RFX3: variants seen among roughly 807,000 people sequenced by gnomAD.
RFX3 encodes the protein regulatory factor X3.
In RFX3, 14 loss-of-function variants were observed where a neutral mutation model predicts 98.6. The ratio of observed to expected loss-of-function variants is 0.14; its 90% CI spans 0.09 to 0.22. The LOEUF (loss-of-function observed/expected upper bound fraction) is 0.22. Among genes scored for constraint, RFX3 ranks in the 10% least tolerant of loss-of-function variants. The probability of loss-of-function intolerance (pLI) is 1.00; values close to 1 mark genes in which losing one functional copy is unlikely to be tolerated. For missense variants in RFX3, 639 were observed against 926.9 expected (o/e 0.69, Z 4.03); for synonymous variants, 383 against 328.4 (o/e 1.17, Z -1.80).
chr9:3,493,700 A>ATATAT (rs1554724812), intron 1 of RFX3, among the ~76,000 whole-genome samples: 23 of 71,756 alleles, frequency 3.2e-4, no homozygotes, highest in Non-Finnish European at 3.8e-4. Context: ...AAAAAAAAAA[A>ATATAT]ATATATATAT....
chr9:3,469,917 G>A (rs1413968085), intron 1 of RFX3, among the ~76,000 whole-genome samples: 1 of 151,640 alleles, frequency 6.6e-6, no homozygotes, highest in East Asian at 1.9e-4. Flanking sequence ...CCTTTTCGAA[G>A]TACACCTAAC....
Position 3,224,995 on chromosome 9 carries a change from A to G in RFX3, c.*47T>C, listed in dbSNP as rs199595413. On this transcript the variant is annotated 3_prime_UTR_variant, in exon 17 of 17. Coordinates refer to ENST00000617270, the MANE Select transcript of RFX3 (RefSeq NM_001282116.2). ...TTATTAAATTTTCAACTTAAGCCCAATATCAACAGGGTTAATGTAAGCTGG... is the reference window on the plus strand; with the variant it reads ...TTATTAAATTTTCAACTTAAGCCCAGTATCAACAGGGTTAATGTAAGCTGG... The G allele has an allele frequency of 5.1e-6, 8 of 1,572,680 alleles. No homozygotes were observed. The highest frequency in any genetic ancestry group is 3.7e-4 in the Middle Eastern group (2 of 5,364).
intron 13 of RFX3, among the ~76,000 whole-genome samples, chr9:3,260,788 G>T (rs1294367048): frequency 6.6e-6 from 1 of 150,964 alleles, no homozygotes; most frequent in South Asian, 2.1e-4. Flanking sequence ...GTACTTGTAT[G>T]TGTGTATGTG....
intron 1 of RFX3, among the ~76,000 whole-genome samples, chr9:3,467,314 A>G (rs1471370561): frequency 2.0e-5 from 3 of 147,136 alleles, no homozygotes; most frequent in Non-Finnish European, 4.5e-5. Flanking sequence ...AAATATATAT[A>G]TGTGTGTGTG....
chr9:3,337,658 C>G (rs1473397013), intron 3 of RFX3, among the ~76,000 whole-genome samples: 1 of 152,208 alleles, frequency 6.6e-6, no homozygotes, highest in Non-Finnish European at 1.5e-5. Context: ...GGTGTCTGTA[C>G]TGCACTATCT....
intron 3 of RFX3, among the ~76,000 whole-genome samples, chr9:3,338,114 T>G (rs1833407734): frequency 6.6e-6 from 1 of 152,130 alleles, no homozygotes; most frequent in Non-Finnish European, 1.5e-5. Context: ...AAACAGTACT[T>G]CAGAAAGGAA....
chr9:3,443,752 C>T (rs961722142), intron 1 of RFX3, among the ~76,000 whole-genome samples: 1 of 152,156 alleles, frequency 6.6e-6, no homozygotes, highest in African/African-American at 2.4e-5. Flanking sequence ...AATGGTATTT[C>T]TGCCTCTAAG....
chr9:3,340,301 T>G (rs1470253189), intron 3 of RFX3, among the ~76,000 whole-genome samples: 2 of 152,140 alleles, frequency 1.3e-5, no homozygotes, highest in Non-Finnish European at 2.9e-5. Flanking sequence ...ATAAAAACCC[T>G]AGAAGAAAAC....
intron 1 of RFX3, among the ~76,000 whole-genome samples, chr9:3,462,163 G>A (rs1456723900): frequency 6.6e-6 from 1 of 151,930 alleles, no homozygotes. Flanking sequence ...TATCCCTTAG[G>A]AAGACAAATA....
At chr9:3,376,259 T>G (rs987806354) in intron 2 of RFX3, among the ~76,000 whole-genome samples, 1 of 152,156 alleles carries the variant, frequency 6.6e-6, no homozygotes, top group Non-Finnish European at 1.5e-5. Context: ...GTATAACCAG[T>G]TTGAAAAATA....
At chr9:3,525,092 A>G (rs1819121628) in intron 1 of RFX3, among the ~76,000 whole-genome samples, 1 of 152,004 alleles carries the variant, frequency 6.6e-6, no homozygotes, top group South Asian at 2.1e-4. Context: ...AAAACCATGA[A>G]GCTGATGATG....
At chr9:3,427,782 C>T (rs925632580) in intron 1 of RFX3, among the ~76,000 whole-genome samples, 3 of 152,068 alleles carry the variant, frequency 2.0e-5, no homozygotes, top group Non-Finnish European at 2.9e-5. Context: ...GGTAAGCCCA[C>T]AGTTTGACTT....
Position 3,452,176 on chromosome 9 carries a change from G to A in RFX3, c.-8-56580C>T, listed in dbSNP as rs78151634. On this transcript the variant is annotated intron_variant, in intron 1 of 16. Transcript: ENST00000617270. ...CCTATCTGACACTCTCATCACTGAAGGTGTGTCATCTGCATCCTTCTCCAG... is the reference window on the plus strand; with the variant it reads ...CCTATCTGACACTCTCATCACTGAAAGTGTGTCATCTGCATCCTTCTCCAG... 958 of 157,926 alleles carry A rather than the reference G, an allele frequency of 6.1e-3. 18 individuals carry two copies. The highest frequency in any genetic ancestry group is 0.022 in the African/African-American group (899 of 41,684). 9.8% of individuals were successfully genotyped at this position (157,926 alleles called of 1,614,324 possible). A position where few individuals can be genotyped will look rare whatever the true frequency, so the allele number is the denominator to read the frequency against.
At chr9:3,267,055 C>T (rs1159434471) in intron 11 of RFX3, among the ~76,000 whole-genome samples, 2 of 151,916 alleles carry the variant, frequency 1.3e-5, no homozygotes, top group African/African-American at 4.8e-5. Flanking sequence ...TAATGAGAAG[C>T]ATCTTCAGTT....
chr9:3,465,809 T>C lies in RFX3; in HGVS notation c.-9+59938A>G, dbSNP rs144417530. ...GTGGTAAAGATAGTAAGTATTGCTATGGTGAAAAAAAGAAAAAGCAAAAGT... is the reference window on the plus strand; with the variant it reads ...GTGGTAAAGATAGTAAGTATTGCTACGGTGAAAAAAAGAAAAAGCAAAAGT... On this transcript the variant is annotated intron_variant, in intron 1 of 16. Coordinates refer to ENST00000617270, the MANE Select transcript of RFX3 (RefSeq NM_001282116.2). Among the ~76,000 whole-genome samples the C allele has an allele frequency of 2.3e-4, 35 of 151,962 alleles. No homozygotes were observed. The East Asian group carries it at 6.6e-3, about 28-fold the overall frequency.
intron 1 of RFX3, among the ~76,000 whole-genome samples, chr9:3,487,837 A>G (rs1045399991): frequency 2.6e-5 from 4 of 152,206 alleles, no homozygotes; most frequent in Admixed American, 2.6e-4. Context: ...ATTCTAGAGT[A>G]AGAGTCAAAA....
intron 4 of RFX3, among the ~76,000 whole-genome samples, chr9:3,327,153 T>C (rs1262300706): frequency 6.6e-6 from 1 of 151,776 alleles, no homozygotes; most frequent in African/African-American, 2.4e-5. Flanking sequence ...AAAAGAAAAA[T>C]ATACATAAAC....
At chr9:3,403,178 G>C (rs976275555) in intron 1 of RFX3, among the ~76,000 whole-genome samples, 5 of 151,952 alleles carry the variant, frequency 3.3e-5, no homozygotes, top group African/African-American at 4.8e-5. Flanking sequence ...CCTTCACCCA[G>C]TACAAATGAA....
At chr9:3,231,819 T>C (rs549660485) in intron 15 of RFX3, among the ~76,000 whole-genome samples, 1 of 151,984 alleles carries the variant, frequency 6.6e-6, no homozygotes, top group East Asian at 1.9e-4. Context: ...ATCCCAGCAC[T>C]TTGGGAGGCT....
Sources: allele counts gnomAD v4.1 joint callset (sites outside exome capture counted in the v4.1 genomes callset), GRCh38; gene constraint gnomAD v4.1.1; transcripts MANE v1.5; gene names NCBI Gene and HGNC (gene_info 2026-07-23, HGNC 2026-07-21).